PRH1: variants seen among roughly 807,000 people sequenced by gnomAD.
PRH1 encodes proline rich protein HaeIII subfamily 1.
In PRH1, 7 loss-of-function variants were observed where a neutral mutation model predicts 7.9. The ratio of observed to expected loss-of-function variants is 0.89; its 90% CI spans 0.50 to 1.67. The LOEUF (loss-of-function observed/expected upper bound fraction) is 1.67. PRH1 is among the 40% of genes most tolerant of loss of function. PRH1 has a pLI of 0.00. For synonymous variants in PRH1, 45 were observed against 80.8 expected, an observed-to-expected ratio of 0.56 and a Z score of 2.38; for missense variants, 109 against 223.6, an observed-to-expected ratio of 0.49 and a Z score of 3.27.
intron 2 of PRH1, among the ~76,000 whole-genome samples, chr12:10,966,341 C>G (rs990183409): frequency 7.9e-5 from 12 of 152,224 alleles, no homozygotes; most frequent in Non-Finnish European, 2.9e-5. Flanking sequence ...TGCCCCTGGA[C>G]TCTGAGTACA....
At chr12:11,169,496 T>C (rs1292650107) in intron 1 of PRH1, among the ~76,000 whole-genome samples, 3 of 152,084 alleles carry the variant, frequency 2.0e-5, no homozygotes, top group Non-Finnish European at 4.4e-5. Context: ...TTCCCCACGG[T>C]CTCAGGGTGG....
rs1447599116 is a variant in PRH1 at position 11,091,113 on chromosome 12, C to CAT, written n.124-43926_124-43925insAT. Among the ~76,000 whole-genome samples, 4 of 5,664 alleles carry CAT rather than the reference C, an allele frequency of 7.1e-4. 1 individual carries two copies. The highest frequency in any genetic ancestry group is 1.8e-3 in the Non-Finnish European group (2 of 1,090). The allele number at this position is 5,664 out of a possible 152,430, so 3.7% of individuals were successfully genotyped here. A position where few individuals can be genotyped will look rare whatever the true frequency, so the allele number is the denominator to read the frequency against. On this transcript the variant is annotated intron_variant and non_coding_transcript_variant, in intron 1 of 4. Transcript: ENST00000541977. ...ATACACAAATACACACACACACACA[C>CAT]ACATATATATATATATATATATATA...
At chr12:11,143,685 A>G (rs1464033811) in intron 1 of PRH1, among the ~76,000 whole-genome samples, 8 of 152,224 alleles carry the variant, frequency 5.3e-5, no homozygotes, top group Non-Finnish European at 1.2e-4. Flanking sequence ...AGGAATAGCT[A>G]TACTAATATT....
At chr12:11,058,870 A>G (rs1278371324) in intron 1 of PRH1, among the ~76,000 whole-genome samples, 47 of 152,206 alleles carry the variant, frequency 3.1e-4, no homozygotes, top group Admixed American at 3.1e-3. Flanking sequence ...GCATGAGTAC[A>G]TCTGAGCGGC....
Position 10,924,379 on chromosome 12 carries a change from C to T in PRH1, c.-58-40104G>A, listed in dbSNP as rs144800482. On this transcript the variant is annotated intron_variant, in intron 2 of 3. Transcript: ENST00000539853. The stretch of plus-strand genomic sequence containing the variant: ...AACAGCAGTTTATTACTTTTTTCCT[C>T]ACGATTCTGTGAATTGCCTGGACTT... Among the ~76,000 whole-genome samples, 97 of 152,262 alleles carry T rather than the reference C, an allele frequency of 6.4e-4. 1 individual carries two copies. Among genetic ancestry groups the T allele is most frequent in the African/African-American group, 2.2e-3 (92 of 41,538 alleles).
At chr12:10,987,288 C>A (rs754221439) in intron 1 of PRH1, among the ~76,000 whole-genome samples, 2 of 152,040 alleles carry the variant, frequency 1.3e-5, no homozygotes, top group Non-Finnish European at 1.5e-5. Context: ...AATTTTACCC[C>A]CGAGTCCATC....
At chr12:10,933,022 T>C (rs1182566143) in intron 2 of PRH1, among the ~76,000 whole-genome samples, 1 of 152,118 alleles carries the variant, frequency 6.6e-6, no homozygotes, top group African/African-American at 2.4e-5. Context: ...AAGAAATGAT[T>C]CATAAATTTT....
At chr12:11,085,401 T>A (rs796826561) in intron 1 of PRH1, among the ~76,000 whole-genome samples, 1 of 128,760 alleles carries the variant, frequency 7.8e-6, no homozygotes, top group Non-Finnish European at 1.7e-5. Context: ...CTACCATTAC[T>A]GTTATGGAAA....
intron 1 of PRH1, among the ~76,000 whole-genome samples, chr12:11,037,845 G>C (rs1942504494): frequency 1.3e-5 from 2 of 152,154 alleles, no homozygotes; most frequent in Admixed American, 6.5e-5. Flanking sequence ...TTCAAGCCCA[G>C]CCTGGGCAAC....
At chr12:11,079,046 A>G (rs1944409869) in intron 1 of PRH1, 1 of 92,692 alleles carries the variant, frequency 1.1e-5, no homozygotes, top group Non-Finnish European at 2.8e-5. Context: ...CAGACAATGA[A>G]TAATATTTAT....
In PRH1 at chr12:11,065,062, A is replaced by G. The variant is rs553369739; in HGVS notation, n.124-17874T>C. ...CACATAGAATAATACTGATAATAATAATAATTTTTCTATTATCTGAAAAAA... is the reference window on the plus strand; with the variant it reads ...CACATAGAATAATACTGATAATAATGATAATTTTTCTATTATCTGAAAAAA... On this transcript the variant is annotated intron_variant and non_coding_transcript_variant, in intron 1 of 4. Coordinates refer to the PRH1 transcript ENST00000541977. Among the ~76,000 whole-genome samples the G allele has an allele frequency of 2.9e-4, 44 of 152,070 alleles. 1 individual carries two copies. The highest frequency in any genetic ancestry group is 5.4e-4 in the Non-Finnish European group (37 of 67,990).
chr12:10,896,956 T>C (rs1392754822), intron 2 of PRH1: 1 of 152,166 alleles, frequency 6.6e-6, no homozygotes, highest in African/African-American at 2.4e-5. Context: ...AGTTTTTTCT[T>C]AATCACTGCA....
chr12:11,050,085 G>A (rs1943083234), upstream of PRH1, among the ~76,000 whole-genome samples: 1 of 150,968 alleles, frequency 6.6e-6, no homozygotes, highest in South Asian at 2.1e-4. Context: ...GGCCTGCCAA[G>A]ACCAGCTCGG....
chr12:10,961,765 G>GGAAGACA (rs1454491747), intron 2 of PRH1, among the ~76,000 whole-genome samples: 2 of 152,192 alleles, frequency 1.3e-5, no homozygotes, highest in Admixed American at 1.3e-4. Flanking sequence ...AATGGAAAAT[G>GGAAGACA]GAAGACAGAA....
chr12:11,129,104 G>A (rs542075437), intron 1 of PRH1, among the ~76,000 whole-genome samples: 14 of 152,316 alleles, frequency 9.2e-5, no homozygotes, highest in Admixed American at 5.9e-4. Flanking sequence ...AAAATTTTTT[G>A]TAGAGACGGA....
At chr12:11,117,849 A>G (rs1019755370), downstream of PRH1, among the ~76,000 whole-genome samples, 1 of 152,192 alleles carries the variant, frequency 6.6e-6, no homozygotes, top group African/African-American at 2.4e-5. Context: ...TGGTGCTGGG[A>G]CAACTGAATA....
intron 1 of PRH1, among the ~76,000 whole-genome samples, chr12:11,054,888 T>C (rs71453411): frequency 0.22 from 29,168 of 133,090 alleles, 4,047 homozygotes; most frequent in East Asian, 0.56. Flanking sequence ...CTGCAAGCTC[T>C]GCCTCACTGC....
chr12:10,954,474 T>C (rs1431779017), intron 2 of PRH1, among the ~76,000 whole-genome samples: 3 of 151,168 alleles, frequency 2.0e-5, no homozygotes, highest in Non-Finnish European at 3.0e-5. Flanking sequence ...TTTTTGTTTG[T>C]TTGTTTGTTT....
intron 2 of PRH1, among the ~76,000 whole-genome samples, chr12:10,919,131 GGAA>G (rs1007323615): frequency 7.9e-5 from 12 of 152,032 alleles, no homozygotes; most frequent in Middle Eastern, 3.4e-3. Flanking sequence ...TATTTACTTT[GGAA>G]GAAGAAGTAT....
Sources: gnomAD v4.1 joint callset for allele counts (sites outside exome capture counted in the v4.1 genomes callset) on GRCh38, gnomAD v4.1.1 for gene constraint, MANE v1.5 for transcripts, NCBI Gene and HGNC (gene_info 2026-07-23, HGNC 2026-07-21) for gene names.